DPYD: variants seen among roughly 807,000 people sequenced by gnomAD.
DPYD encodes the protein dihydropyrimidine dehydrogenase.
A neutral mutation model predicts 116.2 loss-of-function variants in DPYD; 109 were observed. That is an observed-to-expected ratio of 0.94 (90% CI 0.80 to 1.10). The LOEUF is 1.10. DPYD is among the 50% of genes least tolerant of loss of function. The probability of loss-of-function intolerance (pLI) is 0.00; values close to 1 mark genes in which losing one functional copy is unlikely to be tolerated. For synonymous variants in DPYD, 440 were observed against 432.0 expected (o/e 1.02, Z -0.23); for missense variants, 1,302 against 1,254.5 (o/e 1.04, Z -0.57).
rs57301424 is a variant in DPYD, at chr1:97,586,465, CATATATATATATATATATATATATATAT to C, written c.1128+6725_1128+6752del. Among the ~76,000 whole-genome samples, 106 of 34,324 alleles carry C rather than the reference CATATATATATATATATATATATATATAT, an allele frequency of 3.1e-3. 1 individual carries two copies. Among genetic ancestry groups the C allele is most frequent in the Admixed American group, 0.013 (25 of 1,976 alleles). The allele number at this position is 34,324 out of a possible 152,430, so 22.5% of individuals were successfully genotyped here. On this transcript the variant is annotated intron_variant, in intron 10 of 22. Transcript: ENST00000370192. ...GCTTATCTGTGAAAATACATACATACATATATATATATATATATATATATATATATATATATATATATATATATATATA... is the reference window on the plus strand; with the variant it reads ...GCTTATCTGTGAAAATACATACATACATATATATATATATATATATATATA...
At chr1:97,528,352 C>T (rs546141982) in intron 12 of DPYD, among the ~76,000 whole-genome samples, 29 of 152,144 alleles carry the variant, frequency 1.9e-4, no homozygotes, top group South Asian at 1.9e-3. Context: ...TTCCATTTTA[C>T]GCATTTCTTT....
chr1:97,517,805 T>C (rs1303177731), intron 12 of DPYD, among the ~76,000 whole-genome samples: 1 of 152,136 alleles, frequency 6.6e-6, no homozygotes, highest in East Asian at 1.9e-4. Context: ...TTGCCTTTGA[T>C]GGCAATAGCA....
In DPYD at chr1:97,800,057, T is replaced by C. The variant is rs530811917; in HGVS notation, c.233+28057A>G. Among the ~76,000 whole-genome samples the C allele has an allele frequency of 2.6e-5, 4 of 152,064 alleles. No homozygotes were observed. In the South Asian group the frequency reaches 8.3e-4, roughly 32 times the overall value. ...CTATAGAAACATTCAAATTCCATAT[T>C]TGCCATTTATTTTTTGTATAAAGGT... On this transcript the variant is annotated intron_variant, in intron 3 of 22. Coordinates refer to ENST00000370192, the MANE Select transcript of DPYD (RefSeq NM_000110.4).
chr1:97,113,576 G>A (rs1651755002), intron 20 of DPYD, among the ~76,000 whole-genome samples: 1 of 152,036 alleles, frequency 6.6e-6, no homozygotes, highest in Non-Finnish European at 1.5e-5. Context: ...TTCATTTTGT[G>A]GAACGTCTTT....
intron 10 of DPYD, among the ~76,000 whole-genome samples, chr1:97,581,242 G>T (rs1431961780): frequency 2.1e-5 from 3 of 142,288 alleles, no homozygotes; most frequent in Non-Finnish European, 4.5e-5. Flanking sequence ...CAGGAGAATG[G>T]CATGAACCCG....
At chr1:97,148,454 C>T (rs1028587528) in intron 20 of DPYD, among the ~76,000 whole-genome samples, 4 of 152,010 alleles carry the variant, frequency 2.6e-5, no homozygotes, top group Non-Finnish European at 4.4e-5. Flanking sequence ...ATCTAGGAAT[C>T]AAAAGTCTGA....
intron 3 of DPYD, among the ~76,000 whole-genome samples, chr1:97,745,953 G>C (rs1196240984): frequency 6.6e-6 from 1 of 152,046 alleles, no homozygotes; most frequent in Non-Finnish European, 1.5e-5. Context: ...AGAAGTCACA[G>C]CTAGAAAAAG....
At chr1:97,479,953 T>C (rs1018387498) in intron 13 of DPYD, among the ~76,000 whole-genome samples, 3 of 152,176 alleles carry the variant, frequency 2.0e-5, no homozygotes, top group Admixed American at 6.5e-5. Context: ...TTGACTTACA[T>C]CTGGCTAGTG....
chr1:97,142,664 T>A (rs922776186), intron 20 of DPYD, among the ~76,000 whole-genome samples: 1 of 152,104 alleles, frequency 6.6e-6, no homozygotes, highest in Non-Finnish European at 1.5e-5. Context: ...TATTTTTTTT[T>A]ACAGAAAAAT....
chr1:97,386,080 G>A (rs1379890628), intron 14 of DPYD, among the ~76,000 whole-genome samples: 1 of 152,014 alleles, frequency 6.6e-6, no homozygotes, highest in South Asian at 2.1e-4. Flanking sequence ...CCACAGATGG[G>A]AGAGATACAT....
intron 13 of DPYD, among the ~76,000 whole-genome samples, chr1:97,508,151 C>T (rs1360764605): frequency 2.6e-5 from 4 of 151,936 alleles, no homozygotes; most frequent in African/African-American, 7.2e-5. Flanking sequence ...TGTCCAAGAG[C>T]ATGGCAATTT....
chr1:97,545,765 C>G (rs1252682419), intron 12 of DPYD: 1 of 1,554,178 alleles, frequency 6.4e-7, no homozygotes, highest in East Asian at 2.2e-5. Context: ...ACTTTGGCAT[C>G]CCTAGAAAAC....
intron 11 of DPYD, among the ~76,000 whole-genome samples, chr1:97,564,298 C>T (rs868657512): frequency 1.3e-5 from 2 of 152,098 alleles, no homozygotes; most frequent in South Asian, 4.1e-4. Flanking sequence ...ATCAGGAAAT[C>T]AACAGTAACA....
In DPYD at chr1:97,430,107, C is replaced by T. The variant is rs559500544; in HGVS notation, c.1905+19952G>A. 2.6e-5 allele frequency among the ~76,000 whole-genome samples: 4 copies of T among 152,174 alleles called. 1 individual carries two copies. Among genetic ancestry groups the T allele is most frequent in the South Asian group, 2.1e-4 (1 of 4,818 alleles). The stretch of plus-strand genomic sequence containing the variant: ...GTCTCTATGATTAATAATTCAGTTA[C>T]GTTTATTGAGAATGCTAAATAATGG... On this transcript the variant is annotated intron_variant, in intron 14 of 22. Transcript: ENST00000370192.
At chr1:97,145,415 T>C (rs1466118301) in intron 20 of DPYD, among the ~76,000 whole-genome samples, 1 of 152,168 alleles carries the variant, frequency 6.6e-6, no homozygotes, top group African/African-American at 2.4e-5. Flanking sequence ...CTCTTTGTTG[T>C]ATAATAATTC....
intron 16 of DPYD, among the ~76,000 whole-genome samples, chr1:97,340,396 A>G (rs1014637945): frequency 1.3e-5 from 2 of 152,146 alleles, no homozygotes; most frequent in Admixed American, 6.5e-5. Flanking sequence ...ATAAAAACAC[A>G]ACGATGGCCA....
chr1:97,709,992 G>GT (rs1383340658), intron 5 of DPYD, among the ~76,000 whole-genome samples: 1 of 151,680 alleles, frequency 6.6e-6, no homozygotes, highest in African/African-American at 2.4e-5. Flanking sequence ...AGGATGAATT[G>GT]TAACAGTATG....
At chr1:97,346,634 C>G (rs1315628642) in intron 16 of DPYD, among the ~76,000 whole-genome samples, 1 of 151,858 alleles carries the variant, frequency 6.6e-6, no homozygotes, top group African/African-American at 2.4e-5. Context: ...ACATAAAGGT[C>G]TATCTACTTA....
intron 3 of DPYD, among the ~76,000 whole-genome samples, chr1:97,779,148 G>T (rs1232575694): frequency 6.6e-6 from 1 of 152,028 alleles, no homozygotes; most frequent in African/African-American, 2.4e-5. Context: ...TAATAATTTT[G>T]ACATGGTTTC....
Sources: allele counts gnomAD v4.1 joint callset (sites outside exome capture counted in the v4.1 genomes callset), GRCh38; gene constraint gnomAD v4.1.1; transcripts MANE v1.5; gene names NCBI Gene and HGNC (gene_info 2026-07-23, HGNC 2026-07-21).